DOK6: variants seen among roughly 807,000 people sequenced by gnomAD.
DOK6 encodes downstream of tyrosine kinase 6.
A neutral mutation model predicts 44.0 loss-of-function variants in DOK6; 22 were observed. That is an observed-to-expected ratio of 0.50 (90% confidence interval 0.36 to 0.71). The LOEUF is 0.71. Among genes scored for constraint, DOK6 ranks in the 30% least tolerant of loss-of-function variants. DOK6 has a pLI of 0.00. For synonymous variants in DOK6, 166 were observed against 145.5 expected (o/e 1.14, Z -1.01); for missense variants, 340 against 416.4 (o/e 0.82, Z 1.60).
intron 5 of DOK6, among the ~76,000 whole-genome samples, chr18:69,735,167 T>A (rs1363526424): frequency 6.6e-6 from 1 of 152,226 alleles, no homozygotes; most frequent in South Asian, 2.1e-4. Context: ...TTATCTCAAG[T>A]GATTCTGGAT....
intron 1 of DOK6, among the ~76,000 whole-genome samples, chr18:69,515,820 A>T (rs1372775): frequency 0.2 from 29,961 of 152,128 alleles, 3,185 homozygotes; most frequent in African/African-American, 0.24. Context: ...ATACATGTAC[A>T]CACAGTGTAT....
chr18:69,529,961 C>A lies in DOK6; in HGVS notation c.67-34526C>A, dbSNP rs144162386. The stretch of plus-strand genomic sequence containing the variant: ...GAATCAGAAAGTCTTTAGTCTATAT[C>A]TTGTTTCTGGCAAGTCCATTAACCA... On this transcript the variant is annotated intron_variant, in intron 1 of 7. Transcript: ENST00000382713. 6.1e-3 allele frequency among the ~76,000 whole-genome samples: 933 copies of A among 152,244 alleles called. 7 individuals carry two copies. The highest frequency in any genetic ancestry group is 0.021 in the African/African-American group (868 of 41,558).
At chr18:69,672,496 T>A (rs1223989884) in intron 3 of DOK6, among the ~76,000 whole-genome samples, 1 of 152,170 alleles carries the variant, frequency 6.6e-6, no homozygotes, top group Non-Finnish European at 1.5e-5. Flanking sequence ...GTAGCTGGGA[T>A]TACAGGCGCG....
intron 3 of DOK6, among the ~76,000 whole-genome samples, chr18:69,642,532 T>G (rs2144655256): frequency 6.6e-6 from 1 of 152,282 alleles, no homozygotes; most frequent in African/African-American, 2.4e-5. Flanking sequence ...TGCATTTGGT[T>G]ATCATAATCT....
chr18:69,562,237 G>T (rs553393494), intron 1 of DOK6, among the ~76,000 whole-genome samples: 1 of 152,054 alleles, frequency 6.6e-6, no homozygotes, highest in Non-Finnish European at 1.5e-5. Flanking sequence ...ATAAAGGCAA[G>T]GTTCAGAAAT....
chr18:69,841,609 A>G lies in DOK6; in HGVS notation c.*226A>G, dbSNP rs565642412. On this transcript the variant is annotated 3_prime_UTR_variant, in exon 8 of 8. Coordinates refer to ENST00000382713, the MANE Select transcript of DOK6 (RefSeq NM_152721.6). ...GGGGGAATCTATGTTTTACATAAAT[A>G]GAATCCAAATCGTATGAACAGTTAT... The G allele has an allele frequency of 2.9e-4, 161 of 548,598 alleles. No homozygotes were observed. Among genetic ancestry groups the G allele is most frequent in the African/African-American group, 2.8e-3 (152 of 53,812 alleles). The allele number at this position is 548,598 out of a possible 1,614,324, so 34.0% of individuals were successfully genotyped here.
chr18:69,661,448 T>C (rs1985523968), intron 3 of DOK6: 1 of 152,158 alleles, frequency 6.6e-6, no homozygotes, highest in South Asian at 2.1e-4. Context: ...TTATAGCATA[T>C]GCATAAGCAA....
chr18:69,593,826 G>A (rs1449105303), intron 2 of DOK6, among the ~76,000 whole-genome samples: 1 of 152,086 alleles, frequency 6.6e-6, no homozygotes, highest in Non-Finnish European at 1.5e-5. Flanking sequence ...TTTATTATAT[G>A]GTACATCTAG....
chr18:69,735,837 A>G (rs1448291258), intron 5 of DOK6, among the ~76,000 whole-genome samples: 1 of 152,250 alleles, frequency 6.6e-6, no homozygotes, highest in Non-Finnish European at 1.5e-5. Context: ...GAAGCCAGCC[A>G]TAGGCCTATC....
chr18:69,724,464 A>G (rs994149070), intron 5 of DOK6, among the ~76,000 whole-genome samples: 27 of 152,226 alleles, frequency 1.8e-4, no homozygotes, highest in Non-Finnish European at 3.2e-4. Context: ...GGTATTTACA[A>G]TATGCAGCCA....
rs571144764 is a variant in DOK6 at position 69,792,424 on chromosome 18, G to A, written c.856+34551G>A. ...GGTGTCCTCTTCTATTTCTTGCATC[G>A]GTGTTTTACGGTTTTTTTTGTAGAG... On this transcript the variant is annotated intron_variant, in intron 7 of 7. Transcript: ENST00000382713. Among the ~76,000 whole-genome samples, 18 of 151,794 alleles carry A rather than the reference G, an allele frequency of 1.2e-4. 1 individual carries two copies. Among genetic ancestry groups the A allele is most frequent in the South Asian group, 4.2e-4 (2 of 4,818 alleles).
intron 7 of DOK6, among the ~76,000 whole-genome samples, chr18:69,786,262 C>T (rs1337346083): frequency 2.6e-5 from 4 of 151,928 alleles, no homozygotes; most frequent in African/African-American, 9.7e-5. Context: ...AATAATCTAG[C>T]AAAAAAATCC....
At chr18:69,475,393 G>C (rs1329036394) in intron 1 of DOK6, among the ~76,000 whole-genome samples, 1 of 152,146 alleles carries the variant, frequency 6.6e-6, no homozygotes, top group East Asian at 1.9e-4. Flanking sequence ...ATTTAGAAAT[G>C]TTCCCCTAAT....
chr18:69,738,626 CTA>C (rs1290058586), intron 5 of DOK6, among the ~76,000 whole-genome samples: 1 of 152,182 alleles, frequency 6.6e-6, no homozygotes, highest in African/African-American at 2.4e-5. Flanking sequence ...TCATGATAGT[CTA>C]TGTCATAATG....
chr18:69,595,286 G>A (rs1983715135), intron 2 of DOK6, among the ~76,000 whole-genome samples: 1 of 152,184 alleles, frequency 6.6e-6, no homozygotes, highest in Admixed American at 6.5e-5. Flanking sequence ...GGCACTCACT[G>A]AGTGGAAAAT....
At chr18:69,643,230 AG>A (rs1432262027) in intron 3 of DOK6, among the ~76,000 whole-genome samples, 1 of 152,210 alleles carries the variant, frequency 6.6e-6, no homozygotes, top group Non-Finnish European at 1.5e-5. Context: ...CCTCCTAAAC[AG>A]GGTATTGACA....
chr18:69,625,232 G>T (rs774007635), intron 3 of DOK6, among the ~76,000 whole-genome samples: 3 of 152,074 alleles, frequency 2.0e-5, no homozygotes, highest in African/African-American at 2.4e-5. Context: ...ATTCATTTAA[G>T]GTGATAAGTT....
chr18:69,556,289 G>C (rs1392005536), intron 1 of DOK6, among the ~76,000 whole-genome samples: 2 of 152,030 alleles, frequency 1.3e-5, no homozygotes, highest in Admixed American at 1.3e-4. Context: ...TCCCACATCA[G>C]GGTATTTACC....
intron 4 of DOK6, among the ~76,000 whole-genome samples, chr18:69,679,204 A>C (rs12604978): frequency 0.44 from 66,230 of 151,924 alleles, 15,034 homozygotes; most frequent in East Asian, 0.74. Flanking sequence ...GCAATTCTTG[A>C]ATTATCTGTG....
Sources: gnomAD v4.1 joint callset for allele counts (sites outside exome capture counted in the v4.1 genomes callset) on GRCh38, gnomAD v4.1.1 for gene constraint, MANE v1.5 for transcripts, NCBI Gene and HGNC (gene_info 2026-07-23, HGNC 2026-07-21) for gene names.